The following TRAPPC9 variants were observed in gnomAD, a reference collection of about 807,000 sequenced individuals.
The protein encoded by TRAPPC9 is trafficking protein particle complex subunit 9, also known as IKK2 binding protein.
A neutral mutation model predicts 124.0 loss-of-function variants in TRAPPC9; 83 were observed. The ratio of observed to expected loss-of-function variants is 0.67; its 90% CI spans 0.56 to 0.80. The LOEUF (loss-of-function observed/expected upper bound fraction) is 0.80, where lower values mean the gene tolerates loss of function less well. Ranked by LOEUF, TRAPPC9 falls within the 30% of genes least tolerant of loss-of-function variation. The probability of loss-of-function intolerance (pLI) is 0.00; values close to 1 mark genes in which losing one functional copy is unlikely to be tolerated. For missense variants in TRAPPC9, 1,302 were observed against 1,508.3 expected (o/e 0.86, Z 2.27); for synonymous variants, 638 against 617.5 (o/e 1.03, Z -0.49).
chr8:140,300,424 ATCAGGTG>A, intron 11 of TRAPPC9, 38 bp downstream of exon 11: 1 of 1,613,592 alleles, frequency 6.2e-7, no homozygotes, highest in Non-Finnish European at 8.5e-7. Flanking sequence ...GCCATTGGAA[ATCAGGTG>A]GCAGAGCACG....
Position 139,849,675 on chromosome 8 carries a change from C to T in TRAPPC9, c.3055+36204G>A, listed in dbSNP as rs538462719. 1.5e-3 allele frequency among the ~76,000 whole-genome samples: 223 copies of T among 152,318 alleles called. 2 individuals carry two copies. The highest frequency in any genetic ancestry group is 3.4e-3 in the Middle Eastern group (1 of 294). On this transcript the variant is annotated intron_variant, in intron 21 of 22. Coordinates refer to ENST00000438773, the MANE Select transcript of TRAPPC9 (RefSeq NM_001160372.4). The stretch of plus-strand genomic sequence containing the variant: ...GTGGTAACACCATCATGAGTGTGAA[C>T]GTTTTCTGAGCGTGTCCACACTAGG...
intron 17 of TRAPPC9, among the ~76,000 whole-genome samples, chr8:140,043,027 G>A (rs1841366447): frequency 6.6e-6 from 1 of 152,150 alleles, no homozygotes; most frequent in Admixed American, 6.5e-5. Context: ...CAGAACAAGA[G>A]TCAGGGCCCA....
chr8:140,036,936 T>A (rs1227485740), intron 17 of TRAPPC9, among the ~76,000 whole-genome samples: 1 of 152,142 alleles, frequency 6.6e-6, no homozygotes, highest in Non-Finnish European at 1.5e-5. Context: ...CATGGTAGTT[T>A]GCTGCACCCA....
intron 17 of TRAPPC9, among the ~76,000 whole-genome samples, chr8:140,214,077 C>T (rs145154130): frequency 2.5e-4 from 38 of 152,348 alleles, no homozygotes; most frequent in Admixed American, 8.5e-4. Flanking sequence ...CCATGGGTAC[C>T]TCTAGTGCCA....
chr8:139,900,285 G>T (rs1270877881), intron 20 of TRAPPC9, among the ~76,000 whole-genome samples: 2 of 152,168 alleles, frequency 1.3e-5, no homozygotes, highest in African/African-American at 4.8e-5. Flanking sequence ...AGCACCCTTA[G>T]CCTTGTCATT....
intron 17 of TRAPPC9, chr8:140,099,232 G>T (rs1216114233): frequency 6.7e-6 from 1 of 149,264 alleles, no homozygotes. Context: ...GCAGCTGCAG[G>T]AGTGCCGCAG....
chr8:139,956,313 C>G (rs539980299), intron 19 of TRAPPC9, among the ~76,000 whole-genome samples: 2 of 152,154 alleles, frequency 1.3e-5, no homozygotes, highest in African/African-American at 2.4e-5. Context: ...AGGCACCCAC[C>G]ACCACGCCCA....
At chr8:140,435,044 G>GT in intron 4 of TRAPPC9, 68 bp downstream of exon 4, 1 of 1,610,850 alleles carries the variant, frequency 6.2e-7, no homozygotes, top group South Asian at 1.1e-5. Context: ...AAAGGAAAAA[G>GT]TAACAAATGA....
At chr8:140,092,908 A>G (rs1477412640) in intron 17 of TRAPPC9, among the ~76,000 whole-genome samples, 5 of 152,356 alleles carry the variant, frequency 3.3e-5, no homozygotes, top group African/African-American at 1.2e-4. Flanking sequence ...TACACCCTCT[A>G]GGCTTTATTT....
At chr8:140,163,109 G>T (rs1001417541) in intron 17 of TRAPPC9, among the ~76,000 whole-genome samples, 1 of 152,210 alleles carries the variant, frequency 6.6e-6, no homozygotes, top group African/African-American at 2.4e-5. Flanking sequence ...GACCTGCCCA[G>T]TTCCTGCAAG....
rs529989592 is a variant in TRAPPC9 at position 140,451,656 on chromosome 8, A to G, written c.-10-273T>C. 3.5e-4 allele frequency among the ~76,000 whole-genome samples: 54 copies of G among 152,310 alleles called. 1 individual carries two copies. In the South Asian group the frequency reaches 5.4e-3, roughly 15 times the overall value. ...TTTCTATTCTCACCACCTAACCAGG[A>G]GTAGTAAGAGTCAGTGCTCAAAAAT... On this transcript the variant is annotated intron_variant, in intron 1 of 22. Coordinates refer to ENST00000438773, the MANE Select transcript of TRAPPC9 (RefSeq NM_001160372.4).
intron 20 of TRAPPC9, among the ~76,000 whole-genome samples, chr8:139,900,312 T>A (rs1259091783): frequency 3.9e-5 from 6 of 152,162 alleles, no homozygotes; most frequent in Non-Finnish European, 5.9e-5. Flanking sequence ...AACACCCCCA[T>A]CTTCTAGAGC....
At chr8:139,985,316 G>A (rs541142249) in intron 19 of TRAPPC9, among the ~76,000 whole-genome samples, 1 of 152,198 alleles carries the variant, frequency 6.6e-6, no homozygotes, top group Admixed American at 6.5e-5. Flanking sequence ...GTCATAAGAC[G>A]ACCAGATTTA....
At chr8:139,755,338 AT>A in intron 21 of TRAPPC9, among the ~76,000 whole-genome samples, 1 of 59,792 alleles carries the variant, frequency 1.7e-5, no homozygotes. Flanking sequence ...AAGAGCCAGG[AT>A]TTGGGGTATA....
chr8:139,774,205 G>T (rs1393887352), intron 21 of TRAPPC9, among the ~76,000 whole-genome samples: 1 of 152,200 alleles, frequency 6.6e-6, no homozygotes, highest in Non-Finnish European at 1.5e-5. Context: ...CTGAGCAGAG[G>T]GTCATAGATG....
intron 17 of TRAPPC9, among the ~76,000 whole-genome samples, chr8:140,080,732 G>A (rs1048331824): frequency 6.6e-6 from 1 of 152,148 alleles, no homozygotes; most frequent in African/African-American, 2.4e-5. Context: ...AGTTTTGGTG[G>A]AAACAAACCA....
intron 21 of TRAPPC9, among the ~76,000 whole-genome samples, chr8:139,844,409 T>C (rs1826935311): frequency 6.6e-6 from 1 of 152,228 alleles, no homozygotes; most frequent in South Asian, 2.1e-4. Flanking sequence ...TGTCACAGGA[T>C]GAGAGAGAAG....
intron 20 of TRAPPC9, among the ~76,000 whole-genome samples, chr8:139,905,998 GCAGGGGAATCTCTGGAA>G (rs1378393899): frequency 6.6e-6 from 1 of 152,068 alleles, no homozygotes; most frequent in Non-Finnish European, 1.5e-5. Context: ...GGGGGCTGAG[GCAGGGGAATCTCTGGAA>G]CCCGGGAGGC....
intron 17 of TRAPPC9, among the ~76,000 whole-genome samples, chr8:140,190,169 A>G (rs2062455335): frequency 6.6e-6 from 1 of 152,108 alleles, no homozygotes; most frequent in Admixed American, 6.5e-5. Context: ...AACCACCACT[A>G]ATCCGGCCAG....
Sources: allele counts gnomAD v4.1 joint callset (sites outside exome capture counted in the v4.1 genomes callset), GRCh38; gene constraint gnomAD v4.1.1; transcripts MANE v1.5; gene names NCBI Gene and HGNC (gene_info 2026-07-23, HGNC 2026-07-21).